Variants in BAZ2A observed in about 807,000 individuals in gnomAD.
BAZ2A encodes bromodomain adjacent to zinc finger domain 2A.
In BAZ2A, 34 loss-of-function variants were observed where a neutral mutation model predicts 199.9. That is an observed-to-expected ratio of 0.17 (90% CI 0.13 to 0.23). The LOEUF is 0.23. Among genes scored for constraint, BAZ2A ranks in the 10% least tolerant of loss-of-function variants. The pLI is 1.00. For missense variants in BAZ2A, 2,002 were observed against 2,391.1 expected, an observed-to-expected ratio of 0.84 and a Z score of 3.39; for synonymous variants, 857 against 883.9, an observed-to-expected ratio of 0.97 and a Z score of 0.54.
At chr12:56,610,611 CCCA>C in intron 7 of BAZ2A, 94 bp from the exon 8 acceptor site, 1 of 1,067,876 alleles carries the variant, frequency 9.4e-7, no homozygotes, top group Non-Finnish European at 1.4e-6. Flanking sequence ...GATGGCCCTC[CCCA>C]CATTTGTATC....
At chr12:56,619,119 G>C (rs942415818) in intron 1 of BAZ2A, among the ~76,000 whole-genome samples, 1 of 151,756 alleles carries the variant, frequency 6.6e-6, no homozygotes, top group Admixed American at 6.6e-5. Context: ...CGAGGCTGGC[G>C]GATCACCTGA....
chr12:56,601,201 T>G lies in BAZ2A; in HGVS notation c.4273A>C (p.Thr1425Pro), dbSNP rs761293401. 3 of 1,613,914 alleles carry G rather than the reference T, an allele frequency of 1.9e-6. No individual in the cohort carries two copies. The African/African-American group carries it at 4.0e-5, about 22-fold the overall frequency. Reference protein sequence around the residue: ...QMEQRYLTQLTAQPVPPEMCS... With the variant: ...QMEQRYLTQLPAQPVPPEMCS... The stretch of plus-strand genomic sequence containing the variant: ...TCACCAGGTGGGACAGGCTGGGCTG[T>G]CAGCTGGGTTAGGTAACGCTGTTCC... Residue 1425 changes from threonine to proline, a missense_variant, in exon 21 of 29, where the codon ACA (threonine) becomes CCA (proline). By Grantham distance (38) the Thr-to-Pro change is conservative. Around this residue, in one of 6 missense-constraint regions of BAZ2A, gnomAD observed 1,081 missense variants for 1,274.7 expected, o/e 0.85. Transcript: ENST00000549884.
At chr12:56,600,860 G>C in intron 22 of BAZ2A, 28 bp from the exon 23 acceptor site, 1 of 1,612,094 alleles carries the variant, frequency 6.2e-7, no homozygotes, top group Non-Finnish European at 8.5e-7. Context: ...AGAGGGAGAG[G>C]CCCATCAGGC....
chr12:56,629,776 G>A (rs1374445843), intron 1 of BAZ2A, among the ~76,000 whole-genome samples: 9 of 133,710 alleles, frequency 6.7e-5, no homozygotes, highest in Non-Finnish European at 1.4e-4. Flanking sequence ...CCCCACCCGA[G>A]GAGGTGGAGC....
In BAZ2A at chr12:56,606,671, C is replaced by T. The variant is rs1197877439; in HGVS notation, c.2155G>A (p.Val719Ile). The change falls in exon 11 of 29, where the codon GTT (valine) becomes ATT (isoleucine). Residue 719 changes from valine to isoleucine, a missense_variant. This residue lies in a region of BAZ2A where 1,081 missense variants were observed against 1,274.7 expected (regional missense o/e 0.85). Transcript: ENST00000549884. ...AKSKKKMRQK[V>I]QRGECQTTIQ... The stretch of plus-strand genomic sequence containing the variant: ...GTAGTCTGACACTCTCCCCGTTGAA[C>T]CTTCTGCCTCATCTTCTTCTTGCTT... 1.2e-6 allele frequency: 2 copies of T among 1,613,964 alleles called. No individual in the cohort carries two copies. Among genetic ancestry groups the T allele is most frequent in the African/African-American group, 1.3e-5 (1 of 75,044 alleles).
intron 1 of BAZ2A, among the ~76,000 whole-genome samples, chr12:56,627,488 A>G (rs938699859): frequency 8.0e-5 from 12 of 150,326 alleles, no homozygotes; most frequent in Non-Finnish European, 1.6e-4. Context: ...AAAGAAAAAG[A>G]AAAAAACAAA....
chr12:56,634,965 A>AGGC (rs974400845), upstream of BAZ2A: 362 of 984,778 alleles, frequency 3.7e-4, no homozygotes, highest in African/African-American at 2.9e-3. Context: ...GCCGGGCCGC[A>AGGC]GGCGGCGGCG....
rs1248915037 is a variant in BAZ2A at position 56,602,026 on chromosome 12, A to T, written c.3591T>A (p.Ser1197=). ...GGGACTTAAGATGCCTAGGTTGCAT[A>T]GACCCGGGCTTAGTTTTTCGAGGTC... The part of the protein sequence containing the change: ...RGRPRKTKPG[S]MQPRHLKSPV... The change falls in exon 20 of 29, where the codon TCT becomes TCA. Residue 1197 remains serine (S), a synonymous_variant. Coordinates refer to ENST00000549884, the MANE Select transcript of BAZ2A (RefSeq NM_001300905.2). 1.3e-6 allele frequency: 2 copies of T among 1,554,546 alleles called. No homozygotes were observed. The highest frequency in any genetic ancestry group is 1.4e-5 in the African/African-American group (1 of 73,154).
intron 19 of BAZ2A, among the ~76,000 whole-genome samples, 163 bp downstream of exon 19, chr12:56,602,550 A>G (rs1950212176): frequency 6.6e-6 from 1 of 152,250 alleles, no homozygotes; most frequent in East Asian, 1.9e-4. Flanking sequence ...ACAGCTGGAA[A>G]TGGCAGAGCA....
Position 56,603,417 on chromosome 12 carries a change from A to G in BAZ2A, c.3221T>C (p.Val1074Ala), listed in dbSNP as rs775845435. 6 of 1,613,906 alleles carry G rather than the reference A, an allele frequency of 3.7e-6. No individual in the cohort carries two copies. The African/African-American group carries it at 8.0e-5, about 22-fold the overall frequency. Residue 1074 changes from valine to alanine, a missense_variant and splice_region_variant, in exon 18 of 29, where the codon GTT becomes GCT. This residue lies in a region of BAZ2A where 1,081 missense variants were observed against 1,274.7 expected (regional missense o/e 0.85). Transcript: ENST00000549884. The stretch of plus-strand genomic sequence containing the variant: ...TGGGATGCTAGATGCTGTGGCATCA[A>G]CCTAGGGAGAAACACATGGGCATTA... Reference protein sequence around the residue: ...PGRRGRRDGEVDATASSIPEL... With the variant: ...PGRRGRRDGEADATASSIPEL...
chr12:56,630,650 CAG>C (rs1281794689), upstream of BAZ2A: 12 of 556,614 alleles, frequency 2.2e-5, no homozygotes, highest in East Asian at 1.5e-4. Context: ...GGGTAAGAGT[CAG>C]GGGAATTTCG....
chr12:56,610,427 T>A lies in BAZ2A; in HGVS notation c.1761A>T (p.Gln587His), dbSNP rs779465324. ...ACATTACCTTGATCACTTCTGGAAATTGCTTCATCCTCTTCCCACAGGGGC... is the reference window on the plus strand; with the variant it reads ...ACATTACCTTGATCACTTCTGGAAAATGCTTCATCCTCTTCCCACAGGGGC... ...YYGPCGKRMK[Q>H]FPEVIKYLSR... The change falls in exon 8 of 29, where the codon CAA (glutamine) becomes CAT (histidine). Residue 587 changes from glutamine (Q) to histidine (H), a missense_variant. Around this residue, in one of 6 missense-constraint regions of BAZ2A, gnomAD observed 74 missense variants for 126.1 expected, o/e 0.59. Coordinates refer to ENST00000549884, the MANE Select transcript of BAZ2A (RefSeq NM_001300905.2). 2 of 1,613,702 alleles carry A rather than the reference T, an allele frequency of 1.2e-6. No individual in the cohort carries two copies. The highest frequency in any genetic ancestry group is 3.3e-5 in the Admixed American group (2 of 59,968).
intron 20 of BAZ2A, 62 bp from the exon 21 acceptor site, chr12:56,601,464 T>C: frequency 1.3e-6 from 2 of 1,591,736 alleles, no homozygotes; most frequent in Non-Finnish European, 8.6e-7. Flanking sequence ...TTCCCTCAAC[T>C]TCAGGCAGCA....
At chr12:56,602,962 A>G in intron 18 of BAZ2A, 105 bp from the exon 19 acceptor site, 1 of 1,298,512 alleles carries the variant, frequency 7.7e-7, no homozygotes, top group Non-Finnish European at 1.0e-6. Flanking sequence ...GTCCCTCTAT[A>G]AAAGTGATGC....
chr12:56,602,229 C>T (rs776257282), intron 19 of BAZ2A, 37 bp from the exon 20 acceptor site: 23 of 1,495,188 alleles, frequency 1.5e-5, no homozygotes, highest in Non-Finnish European at 2.0e-5. Flanking sequence ...CATATGCTGA[C>T]ATACAAGGGA....
upstream of BAZ2A, among the ~76,000 whole-genome samples, chr12:56,634,153 G>C (rs921052698): frequency 1.3e-5 from 2 of 152,168 alleles, no homozygotes; most frequent in Non-Finnish European, 2.9e-5. Context: ...TTCCTAGGGA[G>C]TCGGGGGGCT....
intron 1 of BAZ2A, among the ~76,000 whole-genome samples, chr12:56,619,097 A>T (rs1388402387): frequency 2.0e-5 from 3 of 151,746 alleles, no homozygotes; most frequent in African/African-American, 7.3e-5. Context: ...AAATCCCAGC[A>T]CTTTGGGAGG....
intron 1 of BAZ2A, chr12:56,621,371 C>T: frequency 1.6e-6 from 1 of 611,784 alleles, no homozygotes; most frequent in Non-Finnish European, 2.0e-6. Flanking sequence ...ATCAGTTTCT[C>T]CACCTGTCTC....
chr12:56,632,901 A>G (rs551890581), upstream of BAZ2A, among the ~76,000 whole-genome samples: 16 of 152,238 alleles, frequency 1.1e-4, no homozygotes, highest in Non-Finnish European at 2.2e-4. Context: ...GAGAGAGGGC[A>G]GACTGACCCC....
Sources: allele counts gnomAD v4.1 joint callset (sites outside exome capture counted in the v4.1 genomes callset), GRCh38; gene constraint gnomAD v4.1.1; regional missense constraint gnomAD v4.1.1; transcripts MANE v1.5; gene names NCBI Gene and HGNC (gene_info 2026-07-23, HGNC 2026-07-21).